The following FAM89A variants were observed in gnomAD, a reference collection of about 807,000 sequenced individuals.
FAM89A encodes the protein protein FAM89A.
FAM89A carries 10 observed loss-of-function variants against 7.1 expected under a neutral mutation model. The ratio of observed to expected loss-of-function variants is 1.40; its 90% CI spans 0.86 to 2.38. The LOEUF is 2.38. Among genes scored for constraint, FAM89A ranks in the 30% most tolerant of loss-of-function variants. The probability of loss-of-function intolerance (pLI) is 0.00; values close to 1 mark genes in which losing one functional copy is unlikely to be tolerated. For missense variants in FAM89A, 276 were observed against 262.8 expected (o/e 1.05, Z -0.35); for synonymous variants, 157 against 129.3 (o/e 1.21, Z -1.45).
intron 1 of FAM89A, among the ~76,000 whole-genome samples, chr1:231,039,101 C>G (rs1680206671): frequency 6.6e-6 from 1 of 152,258 alleles, no homozygotes; most frequent in African/African-American, 2.4e-5. Context: ...GAAAGACTCG[C>G]TGTTGCCTAA....
In FAM89A at chr1:231,019,814, G is replaced by A. The variant is rs371401857; in HGVS notation, c.*49C>T. On this transcript the variant is annotated 3_prime_UTR_variant, in exon 2 of 2. Coordinates refer to ENST00000366654, the MANE Select transcript of FAM89A (RefSeq NM_198552.3). ...AAGAGAAGCAGCAAATGATGACAGC[G>A]TGTCCAGTAGGAAGGGCTTCCCAAC... 53 of 1,580,888 alleles carry A rather than the reference G, an allele frequency of 3.4e-5. No homozygotes were observed. In the African/African-American group the frequency reaches 4.8e-4, roughly 14 times the overall value.
At chr1:231,023,909 C>A (rs748410925) in intron 1 of FAM89A, among the ~76,000 whole-genome samples, 96 of 152,208 alleles carry the variant, frequency 6.3e-4, no homozygotes, top group Non-Finnish European at 1.2e-3. Flanking sequence ...ATGGTAACAC[C>A]CATTTTAAAA....
At chr1:231,037,523 T>A (rs1302181312) in intron 1 of FAM89A, among the ~76,000 whole-genome samples, 3 of 152,076 alleles carry the variant, frequency 2.0e-5, no homozygotes, top group Non-Finnish European at 4.4e-5. Context: ...CTCCATCACC[T>A]CTCCCATGAA....
intron 1 of FAM89A, among the ~76,000 whole-genome samples, chr1:231,036,863 C>T (rs1680163689): frequency 6.6e-6 from 1 of 152,210 alleles, no homozygotes; most frequent in Non-Finnish European, 1.5e-5. Flanking sequence ...CCTAAAGCAG[C>T]TACTCCTCCT....
intron 1 of FAM89A, chr1:231,022,270 G>T: frequency 1.3e-6 from 1 of 763,416 alleles, no homozygotes. Context: ...CAAAAAGACT[G>T]TTTTGAAACC....
At chr1:231,035,573 G>A (rs911659652) in intron 1 of FAM89A, among the ~76,000 whole-genome samples, 6 of 152,138 alleles carry the variant, frequency 3.9e-5, no homozygotes, top group South Asian at 4.2e-4. Flanking sequence ...AACCTCGCAC[G>A]GGTGCTGGGA....
chr1:231,031,238 AGTAAATGAAGAAAATCTGGCCTC>A (rs1680063511), intron 1 of FAM89A, among the ~76,000 whole-genome samples: 1 of 152,220 alleles, frequency 6.6e-6, no homozygotes, highest in Non-Finnish European at 1.5e-5. Context: ...TTTTGGTTGA[AGTAAATGAAGAAAATCTGGCCTC>A]ATACAGCTGT....
At chr1:231,023,115 T>TGGCCTTATCAGCCGCTCAGTTCC (rs1679908310) in intron 1 of FAM89A, among the ~76,000 whole-genome samples, 3 of 150,960 alleles carry the variant, frequency 2.0e-5, no homozygotes, top group Non-Finnish European at 4.4e-5. Context: ...GCAGTAATTG[T>TGGCCTTATCAGCCGCTCAGTTCC]GGCCTTATCA....
chr1:231,022,150 CA>C, intron 1 of FAM89A: 1 of 1,129,912 alleles, frequency 8.9e-7, no homozygotes, highest in Non-Finnish European at 1.4e-6. Flanking sequence ...GGAAAAAGAT[CA>C]ACCACAAACA....
intron 1 of FAM89A, among the ~76,000 whole-genome samples, chr1:231,029,590 T>A (rs2092285734): frequency 6.6e-6 from 1 of 152,048 alleles, no homozygotes; most frequent in South Asian, 2.1e-4. Flanking sequence ...GACTCTGAAA[T>A]GGGTGCTTTG....
At chr1:231,032,146 G>C (rs1211120332) in intron 1 of FAM89A, among the ~76,000 whole-genome samples, 1 of 152,222 alleles carries the variant, frequency 6.6e-6, no homozygotes, top group Non-Finnish European at 1.5e-5. Flanking sequence ...TTAGCTGTAT[G>C]AAGATTTAAC....
At chr1:231,022,163 TACCACTCCA>T in intron 1 of FAM89A, 5 of 1,081,144 alleles carry the variant, frequency 4.6e-6, no homozygotes, top group Non-Finnish European at 7.2e-6. Context: ...CCACAAACAG[TACCACTCCA>T]TTCATATATG....
Position 231,040,015 on chromosome 1 carries a change from C to T in FAM89A, c.197G>A (p.Arg66His). ...QKSRIQDELSRGGPGGGGARA... is the reference protein window; with the variant it reads ...QKSRIQDELSHGGPGGGGARA... ...GGCCCCGCCGCCGCCCGGGCCCCCG[C>T]GGCTCAGCTCGTCCTGGATGCGCGA... The change falls in exon 1 of 2, where the codon CGC (arginine) becomes CAC (histidine). Residue 66 changes from arginine (R) to histidine (H), a missense_variant. Arg to His is a conservative substitution (Grantham distance 29). Coordinates refer to ENST00000366654, the MANE Select transcript of FAM89A (RefSeq NM_198552.3). 7.0e-7 allele frequency: 1 copy of T among 1,423,930 alleles called. No individual in the cohort carries two copies. Among genetic ancestry groups the T allele is most frequent in the Non-Finnish European group, 9.2e-7 (1 of 1,091,620 alleles). The allele number at this position is 1,423,930 out of a possible 1,614,324, so 88.2% of individuals were successfully genotyped here. A position where few individuals can be genotyped will look rare whatever the true frequency, so the allele number is the denominator to read the frequency against.
Position 231,019,597 on chromosome 1 carries a change from C to T in FAM89A, c.*266G>A, listed in dbSNP as rs920126809. ...CTCTTGTTATATTCTCATTATGAATCCCCAGCAGGTGCACCTCAATAAATA... is the reference window on the plus strand; with the variant it reads ...CTCTTGTTATATTCTCATTATGAATTCCCAGCAGGTGCACCTCAATAAATA... On this transcript the variant is annotated 3_prime_UTR_variant, in exon 2 of 2. Coordinates refer to ENST00000366654, the MANE Select transcript of FAM89A (RefSeq NM_198552.3). The T allele has an allele frequency of 2.4e-6, 1 of 413,042 alleles. No homozygotes were observed. Among genetic ancestry groups the T allele is most frequent in the Non-Finnish European group, 4.4e-6 (1 of 229,200 alleles). 25.6% of individuals were successfully genotyped at this position (413,042 alleles called of 1,614,324 possible). A position where few individuals can be genotyped will look rare whatever the true frequency, so the allele number is the denominator to read the frequency against.
intron 1 of FAM89A, among the ~76,000 whole-genome samples, chr1:231,023,686 G>C (rs1228384146): frequency 2.6e-5 from 4 of 152,150 alleles, no homozygotes; most frequent in Non-Finnish European, 4.4e-5. Flanking sequence ...CTTTTTAACT[G>C]TTTGGCTCAC....
At chr1:231,028,195 G>C (rs923535196) in intron 1 of FAM89A, among the ~76,000 whole-genome samples, 5 of 152,222 alleles carry the variant, frequency 3.3e-5, no homozygotes, top group Non-Finnish European at 5.9e-5. Context: ...CAGACTGAAC[G>C]GGCAGCCGCC....
intron 1 of FAM89A, among the ~76,000 whole-genome samples, chr1:231,024,017 G>C (rs563371933): frequency 7.7e-4 from 117 of 152,290 alleles, no homozygotes; most frequent in African/African-American, 2.6e-3. Context: ...TTAAAAATGT[G>C]TTTTGTTTCT....
At position 231,019,701 on chromosome 1, in the gene FAM89A, T is replaced by A. The variant is rs554523102; in HGVS notation, c.*162A>T. 7 of 748,540 alleles carry A rather than the reference T, an allele frequency of 9.4e-6. No homozygotes were observed. The East Asian group carries it at 1.9e-4, about 20-fold the overall frequency. 46.4% of individuals were successfully genotyped at this position (748,540 alleles called of 1,614,324 possible). On this transcript the variant is annotated 3_prime_UTR_variant, in exon 2 of 2. Coordinates refer to ENST00000366654, the MANE Select transcript of FAM89A (RefSeq NM_198552.3). Reference sequence around the variant, plus strand: ...CATCAAAGCAGACTGCCACCATGCATCCGCGGAGAACTCCCTGCCTACAAA... The same window carrying A: ...CATCAAAGCAGACTGCCACCATGCAACCGCGGAGAACTCCCTGCCTACAAA...
At chr1:231,025,854 T>G (rs1679959907) in intron 1 of FAM89A, 1 of 152,392 alleles carries the variant, frequency 6.6e-6, no homozygotes, top group African/African-American at 2.4e-5. Flanking sequence ...GATGCTCAGT[T>G]CCAGCAAAGA....
Sources: gnomAD v4.1 joint callset for allele counts (sites outside exome capture counted in the v4.1 genomes callset) on GRCh38, gnomAD v4.1.1 for gene constraint, MANE v1.5 for transcripts, NCBI Gene and HGNC (gene_info 2026-07-23, HGNC 2026-07-21) for gene names.